Variants in GABRA3 observed in about 807,000 individuals in gnomAD.
GABRA3 encodes the protein gamma-aminobutyric acid type A receptor subunit alpha3.
GABRA3 carries 10 observed loss-of-function variants against 30.1 expected under a neutral mutation model. The observed-to-expected ratio is 0.33, with a 90% confidence interval of 0.20 to 0.56. The LOEUF (loss-of-function observed/expected upper bound fraction) is 0.56, where lower values mean the gene tolerates loss of function less well. Among genes scored for constraint, GABRA3 ranks in the 20% least tolerant of loss-of-function variants. The pLI is 0.89. For missense variants in GABRA3, 233 were observed against 392.0 expected, an observed-to-expected ratio of 0.59 and a Z score of 3.42; for synonymous variants, 151 against 146.8, an observed-to-expected ratio of 1.03 and a Z score of -0.21.
At chrX:152,443,098 A>C (rs1258642484) in intron 1 of GABRA3, among the ~76,000 whole-genome samples, 1 of 111,806 alleles carries the variant, frequency 8.9e-6, no homozygotes, top group Non-Finnish European at 1.9e-5. Context: ...TTTTCCCTAC[A>C]TTTGACAGAA....
intron 7 of GABRA3, among the ~76,000 whole-genome samples, chrX:152,198,803 C>G (rs1937423449): frequency 8.9e-6 from 1 of 112,294 alleles, no homozygotes; most frequent in Non-Finnish European, 1.9e-5. Context: ...ACCTTAAACT[C>G]TAATAACTCC....
At chrX:152,300,271 A>T (rs1939607085) in intron 3 of GABRA3, among the ~76,000 whole-genome samples, 1 of 112,151 alleles carries the variant, frequency 8.9e-6, no homozygotes, top group African/African-American at 3.2e-5. Context: ...CTATCTCCTA[A>T]GTGGTACATG....
At chrX:152,232,828 A>C in intron 5 of GABRA3, among the ~76,000 whole-genome samples, 1 of 109,839 alleles carries the variant, frequency 9.1e-6, no homozygotes, top group Non-Finnish European at 1.9e-5. Flanking sequence ...TTGTGTAGAT[A>C]CCCAAGAGCG....
At chrX:152,339,835 A>G (rs751011922) in intron 3 of GABRA3, among the ~76,000 whole-genome samples, 41 of 111,852 alleles carry the variant, frequency 3.7e-4, no homozygotes, top group Non-Finnish European at 5.5e-4. Flanking sequence ...CTGATATTAA[A>G]ATAACTACTC....
At chrX:152,340,029 C>G (rs934850268) in intron 3 of GABRA3, among the ~76,000 whole-genome samples, 2 of 112,146 alleles carry the variant, frequency 1.8e-5, no homozygotes, top group Admixed American at 9.5e-5. Context: ...ATGAGATTAT[C>G]TGTGTAGTTA....
intron 5 of GABRA3, among the ~76,000 whole-genome samples, chrX:152,229,121 T>C (rs1369794664): frequency 1.8e-5 from 2 of 111,354 alleles, no homozygotes; most frequent in Non-Finnish European, 3.8e-5. Context: ...CCAACCTTTC[T>C]CCCTCTTCAT....
intron 1 of GABRA3, among the ~76,000 whole-genome samples, chrX:152,415,419 T>C (rs1279620369): frequency 1.8e-5 from 2 of 111,084 alleles, no homozygotes; most frequent in Admixed American, 9.6e-5. Flanking sequence ...GACACAACCA[T>C]AGAGATGGAG....
At chrX:152,220,164 T>C (rs777972406) in intron 6 of GABRA3, among the ~76,000 whole-genome samples, 1 of 111,803 alleles carries the variant, frequency 8.9e-6, no homozygotes, top group East Asian at 2.8e-4. Flanking sequence ...ATTTATAAAA[T>C]ACCTAGGAAT....
chrX:152,200,612 G>T (rs758417803), intron 7 of GABRA3, among the ~76,000 whole-genome samples: 4 of 110,343 alleles, frequency 3.6e-5, no homozygotes, highest in Non-Finnish European at 7.6e-5. Flanking sequence ...TTGGGGATTT[G>T]TTTTTCATGA....
At chrX:152,363,306 T>C (rs1306319251) in intron 2 of GABRA3, among the ~76,000 whole-genome samples, 1 of 112,120 alleles carries the variant, frequency 8.9e-6, no homozygotes, top group African/African-American at 3.2e-5. Flanking sequence ...GAAAACCAGA[T>C]GTAGTATTTA....
intron 1 of GABRA3, among the ~76,000 whole-genome samples, chrX:152,391,539 A>G (rs1183450383): frequency 9.0e-6 from 1 of 111,603 alleles, no homozygotes; most frequent in African/African-American, 3.3e-5. Context: ...ACATGGAAGA[A>G]AAACTACCAC....
intron 1 of GABRA3, among the ~76,000 whole-genome samples, chrX:152,401,479 G>T (rs1248265234): frequency 9.0e-6 from 1 of 110,677 alleles, no homozygotes; most frequent in Non-Finnish European, 1.9e-5. Context: ...AGCAAGGTAA[G>T]AATTTTTCAA....
chrX:152,442,500 A>G (rs1161753294), intron 1 of GABRA3, among the ~76,000 whole-genome samples: 1 of 111,745 alleles, frequency 8.9e-6, no homozygotes, highest in Non-Finnish European at 1.9e-5. Flanking sequence ...TGCATAATCA[A>G]TTAGCAGAAA....
intron 3 of GABRA3, among the ~76,000 whole-genome samples, chrX:152,318,626 C>T (rs1339764221): frequency 8.9e-6 from 1 of 111,972 alleles, no homozygotes; most frequent in African/African-American, 3.2e-5. Context: ...GGTAATCCAC[C>T]ATGATCAAGT....
intron 1 of GABRA3, among the ~76,000 whole-genome samples, chrX:152,450,317 G>A (rs932898915): frequency 5.5e-5 from 6 of 109,259 alleles, no homozygotes; most frequent in African/African-American, 2.0e-4. Flanking sequence ...GCCAGTTGCA[G>A]ACAAACCATC....
chrX:152,239,050 T>C lies in GABRA3; in HGVS notation c.552-14205A>G, dbSNP rs753062837. Among the ~76,000 whole-genome samples, 6 of 107,528 alleles carry C rather than the reference T, an allele frequency of 5.6e-5. No individual in the cohort carries two copies. In the East Asian group the frequency reaches 1.2e-3, roughly 21 times the overall value. 93.4% of individuals were successfully genotyped at this position (107,528 alleles called of 115,157 possible). On this transcript the variant is annotated intron_variant, in intron 5 of 9. Coordinates refer to ENST00000370314, the MANE Select transcript of GABRA3 (RefSeq NM_000808.4). ...CCTTCTGCTAGCTGTTGAATGTGTT[T>C]GCTCTTGCTTTTCTAGTTCTTTTAA...
intron 8 of GABRA3, among the ~76,000 whole-genome samples, chrX:152,190,871 AAT>A (rs59438630): frequency 6.2e-3 from 656 of 104,966 alleles, no homozygotes; most frequent in African/African-American, 0.012. Context: ...TATGCATGTG[AAT>A]ATATATATAT....
chrX:152,286,453 C>T (rs1355418516), intron 3 of GABRA3, among the ~76,000 whole-genome samples: 1 of 110,946 alleles, frequency 9.0e-6, no homozygotes, highest in East Asian at 2.9e-4. Context: ...ATTGAGCACA[C>T]TAGTAACACA....
chrX:152,423,482 C>T (rs1930429648), intron 1 of GABRA3, among the ~76,000 whole-genome samples: 1 of 111,801 alleles, frequency 8.9e-6, no homozygotes, highest in Admixed American at 9.5e-5. Flanking sequence ...CAATAAGTTG[C>T]ACTGGACAAA....
Sources: allele counts gnomAD v4.1 joint callset (sites outside exome capture counted in the v4.1 genomes callset), GRCh38; gene constraint gnomAD v4.1.1; transcripts MANE v1.5; gene names NCBI Gene and HGNC (gene_info 2026-07-23, HGNC 2026-07-21).